GRM8: variants seen among roughly 807,000 people sequenced by gnomAD.
The protein encoded by GRM8 is glutamate metabotropic receptor 8.
GRM8 carries 47 observed loss-of-function variants against 87.2 expected under a neutral mutation model. The observed-to-expected ratio is 0.54, with a 90% confidence interval of 0.43 to 0.69. The LOEUF is 0.69. Ranked by LOEUF, GRM8 falls within the 30% of genes least tolerant of loss-of-function variation. The pLI is 0.00. For missense variants in GRM8, 1,019 were observed against 1,139.2 expected (o/e 0.89, Z 1.52); for synonymous variants, 396 against 404.5 (o/e 0.98, Z 0.25).
intron 2 of GRM8, among the ~76,000 whole-genome samples, chr7:127,182,750 C>T (rs570001743): frequency 2.5e-4 from 38 of 151,390 alleles, no homozygotes; most frequent in Non-Finnish European, 4.1e-4. Context: ...CTTGCAGTCA[C>T]TTAGATGAGA....
intron 7 of GRM8, among the ~76,000 whole-genome samples, chr7:126,760,566 A>G (rs1211604232): frequency 5.3e-5 from 8 of 152,208 alleles, no homozygotes; most frequent in African/African-American, 1.2e-4. Flanking sequence ...CATCAGAAAC[A>G]AAAAAATTAC....
At chr7:126,885,717 T>G (rs560025669) in intron 6 of GRM8, among the ~76,000 whole-genome samples, 1 of 152,302 alleles carries the variant, frequency 6.6e-6, no homozygotes, top group East Asian at 1.9e-4. Flanking sequence ...TCTGATTTAA[T>G]TTTAAATTTT....
intron 2 of GRM8, among the ~76,000 whole-genome samples, chr7:127,130,120 C>G (rs911912189): frequency 1.3e-5 from 2 of 152,166 alleles, no homozygotes; most frequent in African/African-American, 4.8e-5. Flanking sequence ...CTTCCCCTCC[C>G]AATCATAGAA....
intron 3 of GRM8, among the ~76,000 whole-genome samples, chr7:127,009,073 G>GTT (rs938575283): frequency 6.9e-6 from 1 of 145,504 alleles, no homozygotes; most frequent in Non-Finnish European, 1.5e-5. Flanking sequence ...CAATGATCCA[G>GTT]TTTTTTTTTT....
intron 7 of GRM8, among the ~76,000 whole-genome samples, chr7:126,748,659 T>C (rs920638563): frequency 7.7e-5 from 11 of 142,702 alleles, no homozygotes; most frequent in Non-Finnish European, 1.7e-4. Context: ...AATTCATACA[T>C]AGATGCAAAA....
intron 6 of GRM8, among the ~76,000 whole-genome samples, chr7:126,882,871 C>T (rs1383560960): frequency 2.0e-5 from 3 of 152,096 alleles, no homozygotes; most frequent in Admixed American, 2.0e-4. Context: ...GTTGATTACT[C>T]ATCAACCTTA....
At chr7:127,131,817 T>G (rs963396702) in intron 2 of GRM8, among the ~76,000 whole-genome samples, 1 of 152,206 alleles carries the variant, frequency 6.6e-6, no homozygotes, top group African/African-American at 2.4e-5. Flanking sequence ...CTCTTATAAT[T>G]TAACATTTCC....
chr7:126,941,443 T>TAAAAAA (rs11453714), intron 3 of GRM8, among the ~76,000 whole-genome samples: 4 of 128,888 alleles, frequency 3.1e-5, no homozygotes, highest in African/African-American at 1.2e-4. Context: ...CCATCTCTAC[T>TAAAAAA]AAAAAAAAAA....
At chr7:126,845,533 C>T (rs1796640849) in intron 6 of GRM8, among the ~76,000 whole-genome samples, 1 of 152,134 alleles carries the variant, frequency 6.6e-6, no homozygotes, top group Non-Finnish European at 1.5e-5. Context: ...TACTAAACTT[C>T]CTTTACACAC....
At chr7:127,015,068 A>AGG (rs1815382605) in intron 3 of GRM8, among the ~76,000 whole-genome samples, 1 of 93,218 alleles carries the variant, frequency 1.1e-5, no homozygotes, top group Non-Finnish European at 2.7e-5. Flanking sequence ...GAAGAAGAAG[A>AGG]AAGAAAGAAG....
intron 6 of GRM8, among the ~76,000 whole-genome samples, chr7:126,901,833 CTA>C (rs2131197456): frequency 6.6e-6 from 1 of 152,040 alleles, no homozygotes; most frequent in South Asian, 2.1e-4. Context: ...ATTTCATTTT[CTA>C]TGTGTTAGTT....
chr7:127,006,084 T>C (rs920532303), intron 3 of GRM8, among the ~76,000 whole-genome samples: 5 of 151,852 alleles, frequency 3.3e-5, no homozygotes, highest in African/African-American at 1.2e-4. Context: ...TCTGTTTAAC[T>C]GAAAAACTAA....
At chr7:126,812,164 TA>T (rs1322719774) in intron 6 of GRM8, among the ~76,000 whole-genome samples, 2 of 152,026 alleles carry the variant, frequency 1.3e-5, no homozygotes, top group Middle Eastern at 3.4e-3. Context: ...ATAATACAAA[TA>T]AAAAATACAG....
intron 7 of GRM8, among the ~76,000 whole-genome samples, chr7:126,742,681 C>T (rs368656489): frequency 2.6e-4 from 40 of 151,982 alleles, no homozygotes; most frequent in African/African-American, 6.5e-4. Flanking sequence ...CACTTACTCC[C>T]GTAAGACCTG....
At chr7:127,081,225 C>T (rs1398289031) in intron 3 of GRM8, among the ~76,000 whole-genome samples, 1 of 152,200 alleles carries the variant, frequency 6.6e-6, no homozygotes, top group African/African-American at 2.4e-5. Context: ...CCACCCTGAA[C>T]TCCATGTATC....
intron 2 of GRM8, chr7:127,118,148 A>G (rs1826812326): frequency 1.3e-5 from 2 of 152,206 alleles, no homozygotes; most frequent in African/African-American, 4.8e-5. Flanking sequence ...TCTGTTACCT[A>G]AGTTAGTAAA....
At chr7:126,707,965 T>A (rs1006641040) in intron 7 of GRM8, among the ~76,000 whole-genome samples, 1 of 152,080 alleles carries the variant, frequency 6.6e-6, no homozygotes, top group African/African-American at 2.4e-5. Context: ...AGGCAACATG[T>A]AATGAGAGAA....
chr7:126,976,370 C>T (rs1027176705), intron 3 of GRM8, among the ~76,000 whole-genome samples: 2 of 152,072 alleles, frequency 1.3e-5, no homozygotes, highest in African/African-American at 2.4e-5. Context: ...CCGAAGGGGG[C>T]GGATCACAAG....
At chr7:126,695,125 G>A (rs1347361418) in intron 7 of GRM8, among the ~76,000 whole-genome samples, 5 of 152,180 alleles carry the variant, frequency 3.3e-5, no homozygotes, top group Non-Finnish European at 7.3e-5. Context: ...GAGGGACTGA[G>A]ATGCCTATAT....
Sources: allele counts gnomAD v4.1 joint callset (sites outside exome capture counted in the v4.1 genomes callset), GRCh38; gene constraint gnomAD v4.1.1; transcripts MANE v1.5; gene names NCBI Gene and HGNC (gene_info 2026-07-23, HGNC 2026-07-21).